The following MCM2 variants were observed in gnomAD, a reference collection of about 807,000 sequenced individuals.
MCM2 encodes minichromosome maintenance complex component 2.
A neutral mutation model predicts 86.4 loss-of-function variants in MCM2; 49 were observed. The ratio of observed to expected loss-of-function variants is 0.57; its 90% CI spans 0.45 to 0.72. The LOEUF (loss-of-function observed/expected upper bound fraction) is 0.72. Among genes scored for constraint, MCM2 ranks in the 30% least tolerant of loss-of-function variants. The pLI, the probability that MCM2 is intolerant of heterozygous loss-of-function variation, is 0.00. For synonymous variants in MCM2, 475 were observed against 484.6 expected, an observed-to-expected ratio of 0.98 and a Z score of 0.26; for missense variants, 1,038 against 1,259.9, an observed-to-expected ratio of 0.82 and a Z score of 2.67.
At chr3:127,599,199 G>A in intron 1 of MCM2, 119 bp from the exon 2 acceptor site, 1 of 818,582 alleles carries the variant, frequency 1.2e-6, no homozygotes. Flanking sequence ...GGTTTGGTGT[G>A]TTGGAGGACA....
rs2074442636 is a variant in MCM2 at position 127,617,499 on chromosome 3, T to C, written c.1900+94T>C. The C allele has an allele frequency of 3.7e-5, 53 of 1,435,958 alleles. 1 individual carries two copies. The South Asian group carries it at 6.8e-4, about 19-fold the overall frequency. 89.0% of individuals were successfully genotyped at this position (1,435,958 alleles called of 1,614,324 possible). ...AGCCCACGGGGTCCCCAGGAGCCGA[T>C]CTGAGGAAGTCATTGTGCAGCAGAG... On this transcript the variant is annotated intron_variant, in intron 11 of 15. Transcript: ENST00000265056. The surrounding 1 kb of genome is among the most constrained non-coding windows in gnomAD (Gnocchi z 4.1).
intron 8 of MCM2, among the ~76,000 whole-genome samples, chr3:127,610,276 C>T (rs1409036377): frequency 6.6e-6 from 1 of 152,226 alleles, no homozygotes; most frequent in East Asian, 1.9e-4. Flanking sequence ...TGATTTCCTT[C>T]TGACGTATGT....
rs1309273587 is a variant in MCM2, at chr3:127,618,762, A to G, written c.2014-265A>G. 6.6e-6 allele frequency among the ~76,000 whole-genome samples: 1 copy of G among 151,656 alleles called. No homozygotes were observed. Among genetic ancestry groups the G allele is most frequent in the Non-Finnish European group, 1.5e-5 (1 of 67,938 alleles). On this transcript the variant is annotated intron_variant, in intron 12 of 15. Coordinates refer to ENST00000265056, the MANE Select transcript of MCM2 (RefSeq NM_004526.4). This position sits in a 1 kb window ranked among gnomAD's most constrained non-coding sequence, Gnocchi z 4.0. Reference sequence around the variant, plus strand: ...CTTGGTCCCTTGATCCTATCACTCTATTTTTCTTCTGAGCATTACTTTCCA... The same window carrying G: ...CTTGGTCCCTTGATCCTATCACTCTGTTTTTCTTCTGAGCATTACTTTCCA...
chr3:127,605,573 T>A (rs2074340948), intron 4 of MCM2, among the ~76,000 whole-genome samples: 1 of 151,596 alleles, frequency 6.6e-6, no homozygotes, highest in South Asian at 2.1e-4. Context: ...CCCGAGTAGC[T>A]GGAATTACAG....
At chr3:127,599,004 C>G in intron 1 of MCM2, 1 of 472,234 alleles carries the variant, frequency 2.1e-6, no homozygotes, top group Non-Finnish European at 3.8e-6. Context: ...AGATAATAGA[C>G]AGTAAACAGG....
rs762198600 is a variant in MCM2 at position 127,604,692 on chromosome 3, C to T, written c.321C>T (p.Ala107=). The change falls in exon 3 of 16, where the codon GCC becomes GCT. Residue 107 remains alanine, a synonymous_variant. Transcript: ENST00000265056. ...ATGAGGACGTAGAGGAGCTGACGGC[C>T]AGTCAGAGGGAGGCAGCAGAGCGGG... ...LDDEDVEELT[A]SQREAAERAM... 3 of 1,612,642 alleles carry T rather than the reference C, an allele frequency of 1.9e-6. No individual in the cohort carries two copies. Among genetic ancestry groups the T allele is most frequent in the Non-Finnish European group, 2.5e-6 (3 of 1,179,948 alleles).
rs2074443652 is a variant in MCM2 at position 127,617,646 on chromosome 3, AG to A, written c.1900+243del. The A allele has an allele frequency of 1.6e-6, 1 of 610,912 alleles. No individual in the cohort carries two copies. Among genetic ancestry groups the A allele is most frequent in the African/African-American group, 1.9e-5 (1 of 54,026 alleles). 37.8% of individuals were successfully genotyped at this position (610,912 alleles called of 1,614,324 possible). On this transcript the variant is annotated intron_variant, in intron 11 of 15. Coordinates refer to ENST00000265056, the MANE Select transcript of MCM2 (RefSeq NM_004526.4). This position sits in a 1 kb window ranked among gnomAD's most constrained non-coding sequence, Gnocchi z 4.1. ...CTTGGATGTTCTCAGAAGGCATGGG[AG>A]GAGAGCCCAGTGCCCCTCTGGCCAG...
intron 8 of MCM2, chr3:127,610,836 C>T (rs1252030996): frequency 4.4e-6 from 2 of 456,624 alleles, no homozygotes; most frequent in Non-Finnish European, 8.8e-6. Context: ...TCCTTCCCAG[C>T]TCTTGGCCAT....
In MCM2 at chr3:127,608,901, G is replaced by A; in HGVS notation, c.1306G>A (p.Ala436Thr). 1.2e-6 allele frequency: 2 copies of A among 1,614,140 alleles called. No homozygotes were observed. Among genetic ancestry groups the A allele is most frequent in the Non-Finnish European group, 8.5e-7 (1 of 1,180,036 alleles). The change falls in exon 8 of 16, where the codon GCC becomes ACC. Residue 436 changes from alanine (A) to threonine (T), a missense_variant. This residue lies in a region of MCM2 where 399 missense variants were observed against 507.2 expected (regional missense o/e 0.79). Transcript: ENST00000265056. ...CACTGCCAATGGCTTCCCTGTCTTT[G>A]CCACTGTCATCCTAGCCAACCACGT... ...LNTANGFPVFATVILANHVAK... is the reference protein window; with the variant it reads ...LNTANGFPVFTTVILANHVAK...
At chr3:127,599,143 T>C (rs1423357652) in intron 1 of MCM2, 175 bp from the exon 2 acceptor site, 7 of 662,212 alleles carry the variant, frequency 1.1e-5, no homozygotes, top group Non-Finnish European at 1.9e-5. Context: ...GCTGAGAGCA[T>C]TCCAGGTGAG....
At chr3:127,615,826 T>G in intron 8 of MCM2, 36 bp from the exon 9 acceptor site, 1 of 1,481,836 alleles carries the variant, frequency 6.7e-7, no homozygotes, top group African/African-American at 1.4e-5. Flanking sequence ...TGTGAGTATC[T>G]GTTCCCATTC....
Position 127,604,683 on chromosome 3 carries a change from G to A in MCM2, c.312G>A (p.Glu104=). The A allele has an allele frequency of 6.2e-7, 1 of 1,612,868 alleles. No homozygotes were observed. The change falls in exon 3 of 16, where the codon GAG becomes GAA. Residue 104 remains glutamate, a synonymous_variant. Coordinates refer to ENST00000265056, the MANE Select transcript of MCM2 (RefSeq NM_004526.4). ...GLALDDEDVE[E]LTASQREAAE... ...CTCTGGATGATGAGGACGTAGAGGA[G>A]CTGACGGCCAGTCAGAGGGAGGCAG...
At chr3:127,602,941 G>A (rs1357504923) in intron 2 of MCM2, among the ~76,000 whole-genome samples, 3 of 151,264 alleles carry the variant, frequency 2.0e-5, no homozygotes, top group Non-Finnish European at 4.4e-5. Context: ...CTTATTGGGC[G>A]CATAGAAGCT....
Position 127,617,083 on chromosome 3 carries a change from G to T in MCM2, c.1738G>T (p.Asp580Tyr). 1 of 1,614,090 alleles carries T rather than the reference G, an allele frequency of 6.2e-7. No individual in the cohort carries two copies. Among genetic ancestry groups the T allele is most frequent in the South Asian group, 1.1e-5 (1 of 91,052 alleles). ...TLEAGALVLADRGVCLIDEFD... is the reference protein window; with the variant it reads ...TLEAGALVLAYRGVCLIDEFD... ...GGAGGCTGGGGCCCTGGTTCTGGCT[G>T]ACCGAGGAGTGTGTCTCATTGATGA... Residue 580 changes from aspartate to tyrosine, a missense_variant, in exon 10 of 16, where the codon GAC (aspartate) becomes TAC (tyrosine). Coordinates refer to ENST00000265056, the MANE Select transcript of MCM2 (RefSeq NM_004526.4). This position sits in a 1 kb window ranked among gnomAD's most constrained non-coding sequence, Gnocchi z 4.1.
intron 2 of MCM2, chr3:127,604,298 A>G (rs2074328648): frequency 6.3e-6 from 2 of 316,932 alleles, no homozygotes; most frequent in East Asian, 5.4e-5. Flanking sequence ...GAGTGGAACC[A>G]TATAGGATTT....
intron 8 of MCM2, 56 bp from the exon 9 acceptor site, chr3:127,615,806 T>G: frequency 7.8e-7 from 1 of 1,282,790 alleles, no homozygotes; most frequent in Non-Finnish European, 1.1e-6. Context: ...AGCATGTGGG[T>G]GACCTACTCT....
At chr3:127,616,836 C>T (rs2074436404) in intron 9 of MCM2, 32 bp from the exon 10 acceptor site, 1 of 1,600,818 alleles carries the variant, frequency 6.2e-7, no homozygotes, top group African/African-American at 1.3e-5. Context: ...TTCCCACTCT[C>T]CCCCTCCCCC....
Position 127,620,772 on chromosome 3 carries a change from C to G in MCM2, c.2340C>G (p.Ile780Met), listed in dbSNP as rs1378634885. ...MIRMAEAHAR[I>M]HLRDYVIEDD... The stretch of plus-strand genomic sequence containing the variant: ...GCATGGCGGAGGCCCACGCGCGCAT[C>G]CATCTGCGGGACTATGTGATCGAAG... The change falls in exon 14 of 16, where the codon ATC (isoleucine) becomes ATG (methionine). Residue 780 changes from isoleucine (I) to methionine (M), a missense_variant. Physicochemically the swap from Ile to Met is conservative, Grantham distance 10. Transcript: ENST00000265056. The G allele has an allele frequency of 6.2e-7, 1 of 1,613,980 alleles. No individual in the cohort carries two copies. Among genetic ancestry groups the G allele is most frequent in the Non-Finnish European group, 8.5e-7 (1 of 1,179,938 alleles).
intron 8 of MCM2, among the ~76,000 whole-genome samples, chr3:127,614,025 C>G (rs1215804577): frequency 1.3e-5 from 2 of 152,174 alleles, no homozygotes; most frequent in Non-Finnish European, 2.9e-5. Flanking sequence ...GGCCTGATCA[C>G]CCCTTAAAGG....
Sources: gnomAD v4.1 joint callset for allele counts (sites outside exome capture counted in the v4.1 genomes callset) on GRCh38, gnomAD v4.1.1 for gene constraint, gnomAD v4.1.1 regional missense constraint, Gnocchi (gnomAD v3.1) non-coding constraint, MANE v1.5 for transcripts, NCBI Gene and HGNC (gene_info 2026-07-23, HGNC 2026-07-21) for gene names.